Variants in SEL1L3 observed in about 807,000 individuals in gnomAD.
SEL1L3 encodes the protein SEL1L family member 3, also known as protein sel-1 homolog 3.
A neutral mutation model predicts 142.8 loss-of-function variants in SEL1L3; 76 were observed. The observed-to-expected ratio is 0.53, with a 90% confidence interval of 0.44 to 0.64. The LOEUF is 0.64. Among genes scored for constraint, SEL1L3 ranks in the 30% least tolerant of loss-of-function variants. The pLI is 0.00. For synonymous variants in SEL1L3, 504 were observed against 519.6 expected (o/e 0.97, Z 0.41); for missense variants, 1,262 against 1,381.7 (o/e 0.91, Z 1.37).
chr4:25,816,100 AT>A (rs1433913167), intron 9 of SEL1L3, among the ~76,000 whole-genome samples: 1 of 146,958 alleles, frequency 6.8e-6, no homozygotes, highest in Non-Finnish European at 1.5e-5. Flanking sequence ...TATATTATAT[AT>A]TTATATATTA....
At chr4:25,731,308 A>G in the SEL1L3 span, among the ~76,000 whole-genome samples, 2 of 152,222 alleles carry the variant, frequency 1.3e-5, no homozygotes, top group Non-Finnish European at 2.9e-5. Context: ...AAACTCATAC[A>G]AGAACATTAC....
At chr4:25,720,477 T>C in the SEL1L3 span, 11 of 152,132 alleles carry the variant, frequency 7.2e-5, no homozygotes, top group Admixed American at 6.6e-4. Context: ...AACTAATTGA[T>C]TGGAAGTCAA....
At chr4:25,757,455 AC>A (rs57129695) in intron 23 of SEL1L3, 78 bp downstream of exon 23, 137,979 of 701,106 alleles carry the variant, frequency 0.2, 9,223 homozygotes, top group East Asian at 0.27. Flanking sequence ...TTTCCAGTAG[AC>A]CAAAAAAAAA....
chr4:25,782,383 A>G lies in SEL1L3; in HGVS notation c.2316T>C (p.Tyr772=). The G allele has an allele frequency of 6.2e-7, 1 of 1,613,828 alleles. No individual in the cohort carries two copies. The highest frequency in any genetic ancestry group is 8.5e-7 in the Non-Finnish European group (1 of 1,179,774). Reference sequence around the variant, plus strand: ...CGTAATTTTTCTTGAATTTGTGGTAATACCATCCCAGGCCATTGACTGCCT... The same window carrying G: ...CGTAATTTTTCTTGAATTTGTGGTAGTACCATCCCAGGCCATTGACTGCCT... The part of the protein sequence containing the change: ...LHQAVNGLGW[Y]YHKFKKNYAK... Residue 772 remains tyrosine, a synonymous_variant, in exon 15 of 24, where the codon TAT becomes TAC. Coordinates refer to ENST00000399878, the MANE Select transcript of SEL1L3 (RefSeq NM_015187.5).
intron 9 of SEL1L3, among the ~76,000 whole-genome samples, chr4:25,812,059 G>A (rs1714070082): frequency 6.6e-6 from 1 of 152,218 alleles, no homozygotes. Flanking sequence ...GGTGTAAGAA[G>A]TGGAAGGATC....
the SEL1L3 span, among the ~76,000 whole-genome samples, chr4:25,716,858 G>A: frequency 6.6e-6 from 1 of 152,174 alleles, no homozygotes; most frequent in African/African-American, 2.4e-5. Context: ...CAGGTGCGGT[G>A]GCTCATGCCT....
At chr4:25,728,243 T>G in the SEL1L3 span, among the ~76,000 whole-genome samples, 14,487 of 152,236 alleles carry the variant, frequency 0.095, 836 homozygotes, top group Middle Eastern at 0.16. Flanking sequence ...ACTTTCAGTT[T>G]CTTGACCCAT....
chr4:25,811,939 C>T (rs772186556), intron 9 of SEL1L3, among the ~76,000 whole-genome samples: 36 of 152,094 alleles, frequency 2.4e-4, no homozygotes, highest in Non-Finnish European at 4.1e-4. Flanking sequence ...AACATATGGA[C>T]CCGGAGGATA....
chr4:25,738,265 A>G, the SEL1L3 span, among the ~76,000 whole-genome samples: 19 of 152,092 alleles, frequency 1.2e-4, no homozygotes, highest in East Asian at 3.7e-3. Flanking sequence ...TATGGAGGGG[A>G]TGACTATACT....
rs1242807585 is a variant in SEL1L3 at position 25,776,259 on chromosome 4, C to T, written c.2669+18G>A. 14 of 1,583,466 alleles carry T rather than the reference C, an allele frequency of 8.8e-6. No homozygotes were observed. Among genetic ancestry groups the T allele is most frequent in the Admixed American group, 1.7e-5 (1 of 59,052 alleles). On this transcript the variant is annotated intron_variant, in intron 17 of 23. Transcript: ENST00000399878. Reference sequence around the variant, plus strand: ...AGACAGGGAAAAAAGTTTGCTCTAACGTGGATCCCAAGCTTACCATGAACC... The same window carrying T: ...AGACAGGGAAAAAAGTTTGCTCTAATGTGGATCCCAAGCTTACCATGAACC...
At chr4:25,810,453 G>A (rs1250229029) in intron 9 of SEL1L3, among the ~76,000 whole-genome samples, 4 of 152,108 alleles carry the variant, frequency 2.6e-5, no homozygotes, top group East Asian at 1.9e-4. Flanking sequence ...GAATTCAAAC[G>A]GCTCAGTTTT....
At chr4:25,743,058 A>T (rs1295968101), downstream of SEL1L3, among the ~76,000 whole-genome samples, 2 of 152,190 alleles carry the variant, frequency 1.3e-5, no homozygotes, top group Non-Finnish European at 2.9e-5. Flanking sequence ...GCAATAGGGA[A>T]TGGTGGTGAC....
At chr4:25,799,650 G>A (rs1282397309) in intron 11 of SEL1L3, among the ~76,000 whole-genome samples, 1 of 152,158 alleles carries the variant, frequency 6.6e-6, no homozygotes, top group South Asian at 2.1e-4. Flanking sequence ...GAAAGCTGTT[G>A]GGGGTTGTTG....
chr4:25,823,833 G>C (rs1036978598), intron 6 of SEL1L3, among the ~76,000 whole-genome samples: 6 of 152,246 alleles, frequency 3.9e-5, no homozygotes, highest in Admixed American at 1.3e-4. Context: ...CCCACAGTTG[G>C]ATCAGGGAAA....
chr4:25,737,411 C>A, the SEL1L3 span, among the ~76,000 whole-genome samples: 1 of 152,188 alleles, frequency 6.6e-6, no homozygotes, highest in Non-Finnish European at 1.5e-5. Context: ...TGGCTGCCAT[C>A]TTGCTGTGTG....
intron 2 of SEL1L3, among the ~76,000 whole-genome samples, chr4:25,846,136 G>T (rs1716491252): frequency 6.6e-6 from 1 of 152,322 alleles, no homozygotes; most frequent in South Asian, 2.1e-4. Flanking sequence ...GGCAGAAGAA[G>T]AGCTGGCAGG....
At position 25,847,332 on chromosome 4, in the gene SEL1L3, A is replaced by G; in HGVS notation, c.695T>C (p.Leu232Pro). 6.2e-7 allele frequency: 1 copy of G among 1,613,910 alleles called. No individual in the cohort carries two copies. The highest frequency in any genetic ancestry group is 1.3e-5 in the African/African-American group (1 of 75,058). Reference sequence around the variant, plus strand: ...ACACTGTGGAATCCTGTTTGCCCGAAGGTTCCAAATATAACCCATGTTCCA... The same window carrying G: ...ACACTGTGGAATCCTGTTTGCCCGAGGGTTCCAAATATAACCCATGTTCCA... ...LEWNMGYIWN[L>P]RANRIPQCPL... Residue 232 changes from leucine (L) to proline (P), a missense_variant, in exon 2 of 24, where the codon CTT (leucine) becomes CCT (proline). By Grantham distance (98) the Leu-to-Pro change is moderately conservative. Coordinates refer to ENST00000399878, the MANE Select transcript of SEL1L3 (RefSeq NM_015187.5).
chr4:25,737,725 CAT>C, the SEL1L3 span, among the ~76,000 whole-genome samples: 2 of 152,280 alleles, frequency 1.3e-5, no homozygotes, highest in East Asian at 3.9e-4. Context: ...TATAAAATGA[CAT>C]AGTATTTACA....
chr4:25,748,685 T>G lies in SEL1L3; in HGVS notation c.3260-121A>C, dbSNP rs77735687. 775 of 995,592 alleles carry G rather than the reference T, an allele frequency of 7.8e-4. 8 individuals carry two copies. The African/African-American group carries it at 0.012, about 15-fold the overall frequency. 61.7% of individuals were successfully genotyped at this position (995,592 alleles called of 1,614,324 possible). A position where few individuals can be genotyped will look rare whatever the true frequency, so the allele number is the denominator to read the frequency against. On this transcript the variant is annotated intron_variant, in intron 23 of 23. Coordinates refer to ENST00000399878, the MANE Select transcript of SEL1L3 (RefSeq NM_015187.5). ...GCATCTAGTCTAATGAACCTGACAC[T>G]AACTAGCCAGGCAACTCTGGACCCG...
Sources: allele counts gnomAD v4.1 joint callset (sites outside exome capture counted in the v4.1 genomes callset), GRCh38; gene constraint gnomAD v4.1.1; transcripts MANE v1.5; gene names NCBI Gene and HGNC (gene_info 2026-07-23, HGNC 2026-07-21).